Variants in ATXN1 observed in about 807,000 individuals in gnomAD.
ATXN1 encodes the protein ataxin 1.
ATXN1 carries 8 observed loss-of-function variants against 56.4 expected under a neutral mutation model. The ratio of observed to expected loss-of-function variants is 0.14; its 90% CI spans 0.08 to 0.26. ATXN1 has a LOEUF of 0.26. ATXN1 is among the 10% of genes least tolerant of loss of function. ATXN1 has a pLI of 1.00. For missense variants in ATXN1, 987 were observed against 1,106.5 expected, an observed-to-expected ratio of 0.89 and a Z score of 1.53; for synonymous variants, 514 against 494.6, an observed-to-expected ratio of 1.04 and a Z score of -0.52.
At chr6:16,518,681 G>A (rs1418909843) in intron 5 of ATXN1, among the ~76,000 whole-genome samples, 2 of 152,062 alleles carry the variant, frequency 1.3e-5, no homozygotes, top group Non-Finnish European at 2.9e-5. Flanking sequence ...ACCAAATTAG[G>A]AATCACTATC....
chr6:16,316,803 T>G (rs1454428415), intron 7 of ATXN1, among the ~76,000 whole-genome samples: 1 of 148,794 alleles, frequency 6.7e-6, no homozygotes, highest in Non-Finnish European at 1.5e-5. Flanking sequence ...GTTTGCCTTC[T>G]GTATGGAAAA....
chr6:16,566,334 T>G (rs1025089643), intron 4 of ATXN1, among the ~76,000 whole-genome samples: 3 of 152,030 alleles, frequency 2.0e-5, no homozygotes, highest in Non-Finnish European at 2.9e-5. Context: ...TTTTGTAGGG[T>G]CAAAGAGACG....
intron 6 of ATXN1, among the ~76,000 whole-genome samples, chr6:16,418,141 A>C (rs1233229794): frequency 6.6e-6 from 1 of 152,240 alleles, no homozygotes; most frequent in African/African-American, 2.4e-5. Context: ...TTTGGCACAT[A>C]ATAGGTGCTT....
intron 6 of ATXN1, among the ~76,000 whole-genome samples, chr6:16,341,721 G>C (rs75763713): frequency 6.6e-6 from 1 of 151,258 alleles, no homozygotes; most frequent in East Asian, 2.0e-4. Context: ...GGGTTTCACC[G>C]TGTTAGCCAG....
At chr6:16,495,570 A>G (rs2113667760) in intron 5 of ATXN1, among the ~76,000 whole-genome samples, 1 of 152,370 alleles carries the variant, frequency 6.6e-6, no homozygotes, top group African/African-American at 2.4e-5. Flanking sequence ...GCTTTAAAAA[A>G]TTAGTATTGG....
chr6:16,496,933 T>C (rs1760791679), intron 5 of ATXN1, among the ~76,000 whole-genome samples: 1 of 152,202 alleles, frequency 6.6e-6, no homozygotes, highest in South Asian at 2.1e-4. Context: ...GGGTTTATCC[T>C]AGTATCATGG....
rs966891527 is a variant in ATXN1 at position 16,410,775 on chromosome 6, T to C, written c.-161+75197A>G. Among the ~76,000 whole-genome samples, 1 of 152,150 alleles carries C rather than the reference T, an allele frequency of 6.6e-6. No homozygotes were observed. The highest frequency in any genetic ancestry group is 1.5e-5 in the Non-Finnish European group (1 of 68,018). On this transcript the variant is annotated intron_variant, in intron 6 of 7. Coordinates refer to ENST00000436367, the MANE Select transcript of ATXN1 (RefSeq NM_001128164.2). The surrounding 1 kb of genome is among the most constrained non-coding windows in gnomAD (Gnocchi z 4.6). ...AGCAAAGTGAATTTGAAGTTAAGTC[T>C]CCTCTTAGTGTAGCAGTACGTATTT...
intron 2 of ATXN1, among the ~76,000 whole-genome samples, chr6:16,704,694 T>G (rs1759368423): frequency 6.6e-6 from 1 of 152,168 alleles, no homozygotes; most frequent in African/African-American, 2.4e-5. Flanking sequence ...GGGGAGCCTT[T>G]GGAGAGCACC....
intron 3 of ATXN1, among the ~76,000 whole-genome samples, chr6:16,644,563 G>GGGGT (rs1554122737): frequency 2.1e-5 from 3 of 142,922 alleles, no homozygotes; most frequent in Non-Finnish European, 3.0e-5. Flanking sequence ...TAAATTTTAT[G>GGGGT]GTGTGTGTGT....
At chr6:16,677,359 A>G (rs1054786336) in intron 2 of ATXN1, among the ~76,000 whole-genome samples, 1 of 152,172 alleles carries the variant, frequency 6.6e-6, no homozygotes, top group African/African-American at 2.4e-5. Context: ...GAGGACAGGG[A>G]GGCATACAAA....
chr6:16,643,536 G>C (rs1230385784), intron 3 of ATXN1, among the ~76,000 whole-genome samples: 14 of 149,174 alleles, frequency 9.4e-5, no homozygotes, highest in Non-Finnish European at 2.1e-4. Flanking sequence ...GGCTGAGGCA[G>C]GAAGATCACT....
rs78133384 is a variant in ATXN1, at chr6:16,355,453, G to A, written c.-160-26983C>T. 5.9e-3 allele frequency among the ~76,000 whole-genome samples: 893 copies of A among 152,296 alleles called. 3 individuals are homozygous for A. The highest frequency in any genetic ancestry group is 7.9e-3 in the Non-Finnish European group (538 of 68,026). ...CGAAGACACAAACAAGAGCAGTGTC[G>A]ACCCTGATGGATGAGCTTGGTGGGG... On this transcript the variant is annotated intron_variant, in intron 6 of 7. Coordinates refer to ENST00000436367, the MANE Select transcript of ATXN1 (RefSeq NM_001128164.2).
intron 6 of ATXN1, among the ~76,000 whole-genome samples, chr6:16,394,822 T>G (rs1227664465): frequency 6.6e-6 from 1 of 152,178 alleles, no homozygotes; most frequent in Non-Finnish European, 1.5e-5. Context: ...CATTTATGAC[T>G]GCATTTTCCA....
At chr6:16,413,511 AGTCT>A (rs1221582963) in intron 6 of ATXN1, among the ~76,000 whole-genome samples, 4 of 152,322 alleles carry the variant, frequency 2.6e-5, no homozygotes, top group South Asian at 4.1e-4. Flanking sequence ...CATTTCTGAA[AGTCT>A]GTCTAACAGT....
intron 6 of ATXN1, among the ~76,000 whole-genome samples, chr6:16,481,849 T>A (rs1052286786): frequency 1.3e-5 from 2 of 152,112 alleles, no homozygotes; most frequent in Non-Finnish European, 2.9e-5. Context: ...AATGATGTGA[T>A]GATAAGAGAC....
At chr6:16,557,326 C>CAA (rs10551173) in intron 4 of ATXN1, among the ~76,000 whole-genome samples, 23 of 87,720 alleles carry the variant, frequency 2.6e-4, no homozygotes, top group South Asian at 3.8e-4. Context: ...AACCCCATTT[C>CAA]AAAAAAAAAA....
intron 1 of ATXN1, 69 bp downstream of exon 1, chr6:16,761,229 T>C (rs1212126433): frequency 2.6e-6 from 1 of 377,994 alleles, no homozygotes; most frequent in African/African-American, 2.5e-5. Context: ...GATTTTAATC[T>C]AAATAAGGGG....
chr6:16,703,779 G>C (rs2113441936), intron 2 of ATXN1, among the ~76,000 whole-genome samples: 1 of 152,316 alleles, frequency 6.6e-6, no homozygotes, highest in Non-Finnish European at 1.5e-5. Context: ...CGGCACTTTG[G>C]GAGGCCGAGG....
At chr6:16,757,762 C>G (rs760156127) in intron 1 of ATXN1, among the ~76,000 whole-genome samples, 4 of 150,606 alleles carry the variant, frequency 2.7e-5, no homozygotes, top group Non-Finnish European at 4.4e-5. Flanking sequence ...TACTCCCCCC[C>G]GCCCGCCCCC....
Sources: gnomAD v4.1 joint callset for allele counts (sites outside exome capture counted in the v4.1 genomes callset) on GRCh38, gnomAD v4.1.1 for gene constraint, Gnocchi (gnomAD v3.1) non-coding constraint, MANE v1.5 for transcripts, NCBI Gene and HGNC (gene_info 2026-07-23, HGNC 2026-07-21) for gene names.